The following TRAK1 variants were observed in gnomAD, a reference collection of about 807,000 sequenced individuals.
TRAK1 encodes the protein trafficking kinesin-binding protein 1.
In TRAK1, 33 loss-of-function variants were observed where a neutral mutation model predicts 92.1. That is an observed-to-expected ratio of 0.36 (90% confidence interval 0.27 to 0.48). The LOEUF is 0.48. Ranked by LOEUF, TRAK1 falls within the 20% of genes least tolerant of loss-of-function variation. The pLI is 0.99. For missense variants in TRAK1, 1,123 were observed against 1,257.9 expected, an observed-to-expected ratio of 0.89 and a Z score of 1.62; for synonymous variants, 521 against 517.3, an observed-to-expected ratio of 1.01 and a Z score of -0.10.
chr3:42,171,285 C>T (rs373321371), intron 2 of TRAK1, among the ~76,000 whole-genome samples: 363 of 152,122 alleles, frequency 2.4e-3, no homozygotes, highest in Middle Eastern at 0.014. Context: ...AGGAATGTTA[C>T]CAGAATTAGG....
chr3:42,211,721 T>TAG (rs1191100832), intron 14 of TRAK1: 4 of 985,206 alleles, frequency 4.1e-6, no homozygotes, highest in Admixed American at 1.2e-4. Context: ...CCTTGGAGGA[T>TAG]AGAGAGAGAG....
rs373148776 is a variant in TRAK1, at chr3:42,219,558, C to A, written c.2028C>A (p.Ile676=). Residue 676 remains isoleucine (I), a synonymous_variant, in exon 15 of 16, where the codon ATC becomes ATA. Coordinates refer to ENST00000327628, the MANE Select transcript of TRAK1 (RefSeq NM_001042646.3). ...NSTFTFTTCR[I]LHPSDELTRV... ...CCTTCACCTTCACCACCTGTCGCAT[C>A]CTGCATCCTTCAGATGAGCTCACTC... 3.1e-6 allele frequency: 5 copies of A among 1,613,914 alleles called. No individual in the cohort carries two copies. Among genetic ancestry groups the A allele is most frequent in the African/African-American group, 2.7e-5 (2 of 74,868 alleles).
intron 2 of TRAK1, among the ~76,000 whole-genome samples, chr3:42,139,564 G>T (rs1403937197): frequency 6.6e-6 from 1 of 152,144 alleles, no homozygotes; most frequent in Non-Finnish European, 1.5e-5. Flanking sequence ...ACTGCAGCCA[G>T]GTACTCATAC....
At chr3:42,110,734 C>CA (rs1196387820) in intron 1 of TRAK1, among the ~76,000 whole-genome samples, 2 of 152,096 alleles carry the variant, frequency 1.3e-5, no homozygotes, top group Admixed American at 6.6e-5. Context: ...TTTTTGTGAC[C>CA]AGGAGAAAGG....
intron 9 of TRAK1, among the ~76,000 whole-genome samples, chr3:42,194,129 C>T (rs61086754): frequency 9.3e-4 from 142 of 152,270 alleles, no homozygotes; most frequent in African/African-American, 3.1e-3. Flanking sequence ...GAGCCTGGCA[C>T]GTGCAGGTGT....
intron 1 of TRAK1, among the ~76,000 whole-genome samples, chr3:42,032,296 A>G (rs995147828): frequency 6.6e-6 from 1 of 152,208 alleles, no homozygotes; most frequent in African/African-American, 2.4e-5. Context: ...TGAGTGAGGC[A>G]TGCCTGGTTA....
intron 1 of TRAK1, among the ~76,000 whole-genome samples, chr3:42,073,328 T>C (rs1216140446): frequency 6.6e-6 from 1 of 152,218 alleles, no homozygotes; most frequent in Non-Finnish European, 1.5e-5. Context: ...ATCTTTCTTA[T>C]TCTGTGGGTG....
At chr3:42,160,881 T>G (rs375032284) in intron 2 of TRAK1, among the ~76,000 whole-genome samples, 4 of 152,208 alleles carry the variant, frequency 2.6e-5, no homozygotes, top group African/African-American at 9.6e-5. Context: ...TAATTTTTTT[T>G]TGTGCATGGC....
At position 42,053,375 on chromosome 3, in the gene TRAK1, T is replaced by TGG. The variant is rs760432112; in HGVS notation, c.-518-33718_-518-33717dup. Reference sequence around the variant, plus strand: ...GACTGCAGTCCCATTCAGAGTCGGGTGGGGGGGGGGGGCGGGGGATGGCAA... The same window carrying TGG: ...GACTGCAGTCCCATTCAGAGTCGGGTGGGGGGGGGGGGGGCGGGGGATGGCAA... On this transcript the variant is annotated intron_variant, in intron 1 of 16. Transcript: ENST00000487159. 9.9e-3 allele frequency among the ~76,000 whole-genome samples: 501 copies of TGG among 50,604 alleles called. 11 individuals carry two copies. Among genetic ancestry groups the TGG allele is most frequent in the East Asian group, 0.019 (21 of 1,078 alleles). The allele number at this position is 50,604 out of a possible 152,430, so 33.2% of individuals were successfully genotyped here.
chr3:42,173,999 T>C (rs1702883097), intron 2 of TRAK1, among the ~76,000 whole-genome samples: 1 of 152,162 alleles, frequency 6.6e-6, no homozygotes, highest in Non-Finnish European at 1.5e-5. Context: ...ATATAAGTGC[T>C]TACCCCTTAT....
chr3:42,101,959 T>C (rs1466979641), intron 1 of TRAK1, among the ~76,000 whole-genome samples: 2 of 152,180 alleles, frequency 1.3e-5, no homozygotes, highest in East Asian at 3.9e-4. Flanking sequence ...CCAAAGCTTA[T>C]TGTTCTTAAG....
chr3:42,082,128 G>C (rs1290145327), intron 1 of TRAK1, among the ~76,000 whole-genome samples: 2 of 152,162 alleles, frequency 1.3e-5, no homozygotes, highest in East Asian at 3.9e-4. Flanking sequence ...TATTTCTTTT[G>C]TAGCAGTATG....
At chr3:42,091,154 C>T (rs1705013390), upstream of TRAK1, 2 of 293,568 alleles carry the variant, frequency 6.8e-6, no homozygotes, top group South Asian at 4.8e-5. Context: ...TAGGCAAAAC[C>T]GAATGCCCAT....
intron 1 of TRAK1, among the ~76,000 whole-genome samples, chr3:42,042,978 T>C (rs1283232059): frequency 6.6e-6 from 1 of 152,146 alleles, no homozygotes; most frequent in African/African-American, 2.4e-5. Flanking sequence ...CAGATTCTTA[T>C]TACCAAAGGA....
chr3:42,176,097 G>A (rs969842500), intron 2 of TRAK1, among the ~76,000 whole-genome samples: 7 of 152,028 alleles, frequency 4.6e-5, no homozygotes, highest in Non-Finnish European at 1.0e-4. Context: ...TTTCTCCAAC[G>A]GAAGAAGAAC....
chr3:42,062,428 C>A (rs747227711), intron 1 of TRAK1, among the ~76,000 whole-genome samples: 4 of 152,128 alleles, frequency 2.6e-5, no homozygotes, highest in African/African-American at 7.2e-5. Context: ...ATACTTTTAG[C>A]ATTAAAAAAT....
intron 10 of TRAK1, among the ~76,000 whole-genome samples, chr3:42,197,152 G>A (rs1246345611): frequency 6.6e-6 from 1 of 152,080 alleles, no homozygotes; most frequent in Non-Finnish European, 1.5e-5. Flanking sequence ...AGGGGAGAGG[G>A]TCATGGCCAA....
rs201359747 is a variant in TRAK1 at position 42,223,689 on chromosome 3, G to T, written c.2814G>T (p.Ser938=). ...TGAAAGCTCCTGTGACTCTCACCTC[G>T]GGCATCTTGATGGGTGCTAAGCTCT... is the stretch of plus-strand genomic sequence containing the variant. ...MQMKAPVTLT[S]GILMGAKLSK... Residue 938 remains serine (S), a synonymous_variant, in exon 16 of 16, where the codon TCG becomes TCT. Transcript: ENST00000327628. This position sits in a 1 kb window ranked among gnomAD's most constrained non-coding sequence, Gnocchi z 6.1. The T allele has an allele frequency of 6.2e-7, 1 of 1,613,830 alleles. No individual in the cohort carries two copies. The highest frequency in any genetic ancestry group is 1.7e-5 in the Admixed American group (1 of 60,004).
chr3:42,153,967 T>C (rs1337811225), intron 2 of TRAK1, among the ~76,000 whole-genome samples: 1 of 152,022 alleles, frequency 6.6e-6, no homozygotes, highest in Admixed American at 6.6e-5. Context: ...TTAAGGGGAT[T>C]AAAAAAAGAA....
Sources: allele counts gnomAD v4.1 joint callset (sites outside exome capture counted in the v4.1 genomes callset), GRCh38; gene constraint gnomAD v4.1.1; non-coding constraint Gnocchi (gnomAD v3.1); transcripts MANE v1.5; gene names NCBI Gene and HGNC (gene_info 2026-07-23, HGNC 2026-07-21).